Variants in PIK3C2G observed in about 807,000 individuals in gnomAD.
PIK3C2G encodes the protein phosphatidylinositol 3-kinase C2 domain-containing subunit gamma.
In PIK3C2G, 168 loss-of-function variants were observed where a neutral mutation model predicts 181.1. That is an observed-to-expected ratio of 0.93 (90% CI 0.82 to 1.05). The LOEUF is 1.05. PIK3C2G is among the 50% of genes least tolerant of loss of function. PIK3C2G has a pLI of 0.00. For missense variants in PIK3C2G, 1,869 were observed against 1,732.8 expected (o/e 1.08, Z -1.40); for synonymous variants, 573 against 592.2 (o/e 0.97, Z 0.47).
chr12:18,509,149 T>C (rs1265754009), intron 24 of PIK3C2G, among the ~76,000 whole-genome samples: 1 of 152,092 alleles, frequency 6.6e-6, no homozygotes, highest in Non-Finnish European at 1.5e-5. Flanking sequence ...CCTCCCTGGT[T>C]CAAGCAATTC....
chr12:18,591,483 G>A (rs1947076197), intron 29 of PIK3C2G, among the ~76,000 whole-genome samples: 1 of 151,708 alleles, frequency 6.6e-6, no homozygotes, highest in African/African-American at 2.4e-5. Context: ...ACAAACCCTG[G>A]GCAAATGGGT....
chr12:18,359,364 C>T (rs901880851), intron 11 of PIK3C2G, among the ~76,000 whole-genome samples: 5 of 152,104 alleles, frequency 3.3e-5, no homozygotes, highest in African/African-American at 1.2e-4. Context: ...TGTCATCTAG[C>T]CTGGAGGGTG....
chr12:18,714,121 C>G, the PIK3C2G span, among the ~76,000 whole-genome samples: 1 of 152,184 alleles, frequency 6.6e-6, no homozygotes, highest in African/African-American at 2.4e-5. Flanking sequence ...GTCATTTGCC[C>G]CAAACTACCA....
At chr12:18,653,034 C>G (rs1486487170), downstream of PIK3C2G, among the ~76,000 whole-genome samples, 1 of 152,102 alleles carries the variant, frequency 6.6e-6, no homozygotes, top group Non-Finnish European at 1.5e-5. Context: ...CCCTACCTAT[C>G]ACTCTCATCC....
At position 18,313,974 on chromosome 12, in the gene PIK3C2G, G is replaced by C. The variant is rs764145914; in HGVS notation, c.1047G>C (p.Leu349Phe). ...SEEFLQNDHC[L>F]GSHKMFQKDK... ...TTTCCTCCTTCAGCGACCACTGTTT[G>C]GGGAGCCACAAAATGTTTCAAAAAG... The change falls in exon 6 of 33, where the codon TTG (leucine) becomes TTC (phenylalanine). Residue 349 changes from leucine (L) to phenylalanine (F), a missense_variant. By Grantham distance (22) the Leu-to-Phe change is conservative. Coordinates refer to ENST00000538779, the MANE Select transcript of PIK3C2G (RefSeq NM_001288772.2). 2.4e-5 allele frequency: 38 copies of C among 1,578,090 alleles called. No homozygotes were observed. Among genetic ancestry groups the C allele is most frequent in the Non-Finnish European group, 3.2e-5 (37 of 1,157,028 alleles).
chr12:18,373,832 G>A (rs893608623), intron 13 of PIK3C2G, among the ~76,000 whole-genome samples: 6 of 151,592 alleles, frequency 4.0e-5, no homozygotes, highest in East Asian at 1.9e-4. Context: ...CAGCCTGGGC[G>A]ACAGAGCGAG....
At chr12:18,342,813 T>G (rs1939265931) in intron 9 of PIK3C2G, among the ~76,000 whole-genome samples, 1 of 152,026 alleles carries the variant, frequency 6.6e-6, no homozygotes, top group East Asian at 1.9e-4. Context: ...TTATTTAAGA[T>G]ATGACTCAAG....
At chr12:18,522,631 G>A (rs1331959579) in intron 24 of PIK3C2G, among the ~76,000 whole-genome samples, 1 of 151,692 alleles carries the variant, frequency 6.6e-6, no homozygotes, top group African/African-American at 2.4e-5. Context: ...CATTGAATGT[G>A]ATATCTTCTT....
At chr12:18,340,012 A>G (rs1013649360) in intron 9 of PIK3C2G, among the ~76,000 whole-genome samples, 54 of 152,270 alleles carry the variant, frequency 3.5e-4, no homozygotes, top group African/African-American at 1.2e-3. Flanking sequence ...CTTCTCTTTT[A>G]CTTTCCAATT....
At chr12:18,310,361 C>T (rs996700103) in intron 5 of PIK3C2G, among the ~76,000 whole-genome samples, 4 of 151,830 alleles carry the variant, frequency 2.6e-5, no homozygotes, top group East Asian at 1.9e-4. Flanking sequence ...TACGTAGTTA[C>T]GTTTAGTTTA....
chr12:18,354,810 G>T (rs1940572278), intron 11 of PIK3C2G, among the ~76,000 whole-genome samples: 1 of 152,202 alleles, frequency 6.6e-6, no homozygotes, highest in African/African-American at 2.4e-5. Flanking sequence ...AAGGAAATAG[G>T]TATCCCTCAT....
At chr12:18,629,812 C>T (rs148881617) in intron 31 of PIK3C2G, among the ~76,000 whole-genome samples, 73 of 152,140 alleles carry the variant, frequency 4.8e-4, no homozygotes, top group African/African-American at 1.5e-3. Flanking sequence ...AGGATAAACC[C>T]GAGATATTTT....
At chr12:18,272,568 TA>T (rs764711085) in intron 1 of PIK3C2G, among the ~76,000 whole-genome samples, 3 of 152,212 alleles carry the variant, frequency 2.0e-5, no homozygotes, top group Non-Finnish European at 4.4e-5. Flanking sequence ...ATTACTTAGT[TA>T]TCCAGTGACA....
chr12:18,320,879 A>G (rs1951079340), intron 6 of PIK3C2G, 83 bp from the exon 7 acceptor site: 1 of 727,198 alleles, frequency 1.4e-6, no homozygotes, highest in Non-Finnish European at 2.4e-6. Flanking sequence ...GAATAAAATG[A>G]CAGCAGGAAG....
At chr12:18,637,736 T>C (rs1274575452) in intron 31 of PIK3C2G, among the ~76,000 whole-genome samples, 1 of 152,230 alleles carries the variant, frequency 6.6e-6, no homozygotes. Context: ...CCCTCACAAA[T>C]TTATTTCTCA....
chr12:18,538,041 A>T, intron 24 of PIK3C2G, 115 bp from the exon 25 acceptor site: 1 of 903,498 alleles, frequency 1.1e-6, no homozygotes, highest in Non-Finnish European at 1.7e-6. Flanking sequence ...TTTATCTATT[A>T]CAGTAGAGAA....
the PIK3C2G span, among the ~76,000 whole-genome samples, chr12:18,698,051 T>G: frequency 1.3e-5 from 2 of 151,918 alleles, no homozygotes; most frequent in African/African-American, 4.8e-5. Context: ...CTACAGGTCC[T>G]GTCCTCATGA....
chr12:18,685,853 CACACACACACACACACAT>C, the PIK3C2G span, among the ~76,000 whole-genome samples: 1 of 145,058 alleles, frequency 6.9e-6, no homozygotes, highest in Non-Finnish European at 1.5e-5. Flanking sequence ...CGCGCACACA[CACACACACACACACACAT>C]ACAATAATAT....
intron 27 of PIK3C2G, 133 bp from the exon 28 acceptor site, chr12:18,563,244 G>C: frequency 1.3e-6 from 1 of 758,546 alleles, no homozygotes; most frequent in East Asian, 2.7e-5. Context: ...TTTACAAAAT[G>C]CATCTCCTAG....
Sources: gnomAD v4.1 joint callset for allele counts (sites outside exome capture counted in the v4.1 genomes callset) on GRCh38, gnomAD v4.1.1 for gene constraint, MANE v1.5 for transcripts, NCBI Gene and HGNC (gene_info 2026-07-23, HGNC 2026-07-21) for gene names.